Variants in KCNH5 observed in about 807,000 individuals in gnomAD.
The protein encoded by KCNH5 is potassium voltage-gated channel subfamily H member 5, also known as voltage-gated delayed rectifier potassium channel KCNH5.
Under a neutral mutation model 96.1 loss-of-function variants are expected in KCNH5, and 46 were observed. The ratio of observed to expected loss-of-function variants is 0.48; its 90% CI spans 0.38 to 0.61. KCNH5 has a LOEUF of 0.61. Ranked by LOEUF, KCNH5 falls within the 20% of genes least tolerant of loss-of-function variation. KCNH5 has a pLI of 0.00. For synonymous variants in KCNH5, 439 were observed against 449.8 expected, an observed-to-expected ratio of 0.98 and a Z score of 0.30; for missense variants, 907 against 1,225.8, an observed-to-expected ratio of 0.74 and a Z score of 3.88.
In KCNH5 at chr14:62,707,659, A is replaced by T; in HGVS notation, c.2816T>A (p.Leu939Ter). The stretch of plus-strand genomic sequence containing the variant: ...TACGCTTTTTTCCGACAGTATTTTT[A>T]AAATTTCTGCCACCTGCTTTTCTAG... ...TALEKQVAEI[L>*]KILSEKSVPQ... The change falls in exon 11 of 11, where the codon TTA becomes TAA. Residue 939 changes from leucine to a stop codon, truncating the protein, a stop_gained. Transcript: ENST00000322893. LOFTEE classifies it high-confidence loss of function. The T allele has an allele frequency of 6.3e-7, 1 of 1,587,642 alleles. No individual in the cohort carries two copies. The highest frequency in any genetic ancestry group is 8.6e-7 in the Non-Finnish European group (1 of 1,162,726).
chr14:62,832,250 A>G (rs1160776160), intron 8 of KCNH5, among the ~76,000 whole-genome samples: 2 of 152,198 alleles, frequency 1.3e-5, no homozygotes, highest in African/African-American at 4.8e-5. Context: ...GAACTTAATC[A>G]TCTTGTGTAA....
chr14:62,937,264 CT>C (rs1889702794), intron 7 of KCNH5, among the ~76,000 whole-genome samples: 1 of 152,134 alleles, frequency 6.6e-6, no homozygotes, highest in Non-Finnish European at 1.5e-5. Flanking sequence ...CTAACCAATC[CT>C]AACCACCACC....
At chr14:62,982,045 C>A (rs1367114257) in intron 5 of KCNH5, among the ~76,000 whole-genome samples, 1 of 152,086 alleles carries the variant, frequency 6.6e-6, no homozygotes, top group Non-Finnish European at 1.5e-5. Flanking sequence ...GTAACCAACA[C>A]AGGACATAGC....
intron 7 of KCNH5, among the ~76,000 whole-genome samples, chr14:62,947,852 G>A (rs1889920631): frequency 6.6e-6 from 1 of 151,726 alleles, no homozygotes; most frequent in Non-Finnish European, 1.5e-5. Context: ...TATACTTTAA[G>A]TTTTAGGGTA....
At chr14:62,860,619 C>G (rs879800339) in intron 7 of KCNH5, among the ~76,000 whole-genome samples, 2 of 152,180 alleles carry the variant, frequency 1.3e-5, no homozygotes, top group Non-Finnish European at 2.9e-5. Context: ...GAGTAAAACT[C>G]TATGCTATCT....
At chr14:62,972,643 A>T (rs1313328011) in intron 6 of KCNH5, among the ~76,000 whole-genome samples, 3 of 152,206 alleles carry the variant, frequency 2.0e-5, no homozygotes, top group Non-Finnish European at 2.9e-5. Context: ...ATAAACTGTG[A>T]TACATCCAGA....
rs909577932 is a variant in KCNH5, at chr14:62,981,136, G to A, written c.678C>T (p.Phe226=). ...TATAAGGAACCATAATGGCGGTGTA[G>A]AAGGTAAGAATTAAAATCACCCAAT... ...TWDWVILILT[F]YTAIMVPYNV... The change falls in exon 6 of 11, where the codon TTC becomes TTT. Residue 226 remains phenylalanine, a synonymous_variant. Transcript: ENST00000322893. 1.7e-5 allele frequency: 28 copies of A among 1,614,184 alleles called. No individual in the cohort carries two copies. Among genetic ancestry groups the A allele is most frequent in the Non-Finnish European group, 2.3e-5 (27 of 1,180,020 alleles).
intron 10 of KCNH5, among the ~76,000 whole-genome samples, chr14:62,766,325 GGT>G (rs1566653630): frequency 1.3e-5 from 2 of 152,046 alleles, no homozygotes; most frequent in African/African-American, 4.8e-5. Flanking sequence ...CCCACTGCTG[GGT>G]ATATACCCAA....
rs143318169 is a variant in KCNH5 at position 62,796,697 on chromosome 14, G to A, written c.1822+5632C>T. On this transcript the variant is annotated intron_variant, in intron 9 of 10. Transcript: ENST00000322893. ...TTTTGCCAAGGTTGAGGATGCACCC[G>A]TGACACATCCTCAGGAAGTCCTGAC... Among the ~76,000 whole-genome samples, 22 of 152,266 alleles carry A rather than the reference G, an allele frequency of 1.4e-4. No individual in the cohort carries two copies. The East Asian group carries it at 2.9e-3, about 20-fold the overall frequency.
chr14:63,039,615 C>T (rs575031647), intron 1 of KCNH5, among the ~76,000 whole-genome samples: 31 of 151,964 alleles, frequency 2.0e-4, no homozygotes, highest in Non-Finnish European at 4.0e-4. Flanking sequence ...GCTGAAATTG[C>T]GTATTACCAT....
chr14:62,813,929 C>G (rs1383294989), intron 8 of KCNH5, among the ~76,000 whole-genome samples: 1 of 152,078 alleles, frequency 6.6e-6, no homozygotes, highest in Non-Finnish European at 1.5e-5. Context: ...TCATGCCAAG[C>G]AAAAGGAAGT....
intron 3 of KCNH5, among the ~76,000 whole-genome samples, chr14:63,003,066 G>A (rs1891040744): frequency 6.6e-6 from 1 of 152,072 alleles, no homozygotes. Flanking sequence ...AAAAAAATAA[G>A]TAATTTTCCA....
intron 7 of KCNH5, among the ~76,000 whole-genome samples, chr14:62,855,389 C>T (rs1887908310): frequency 6.6e-6 from 1 of 152,200 alleles, no homozygotes; most frequent in South Asian, 2.1e-4. Flanking sequence ...GAACATCAGC[C>T]TACCAGCCAT....
intron 10 of KCNH5, among the ~76,000 whole-genome samples, chr14:62,762,723 A>C (rs1011867655): frequency 3.3e-5 from 5 of 152,104 alleles, no homozygotes; most frequent in Non-Finnish European, 7.4e-5. Flanking sequence ...CAAACAAACA[A>C]ACACAGAGGT....
chr14:62,967,275 T>C (rs997890551), intron 6 of KCNH5, among the ~76,000 whole-genome samples: 9 of 151,818 alleles, frequency 5.9e-5, no homozygotes, highest in Non-Finnish European at 8.8e-5. Flanking sequence ...GGAGATGGGG[T>C]CCTAGTATGT....
At chr14:62,838,930 T>C (rs1024672007) in intron 8 of KCNH5, among the ~76,000 whole-genome samples, 2 of 152,168 alleles carry the variant, frequency 1.3e-5, no homozygotes, top group African/African-American at 2.4e-5. Flanking sequence ...AAAAGACATA[T>C]GTAAATTAAT....
At position 62,704,390 on chromosome 14, in the gene KCNH5, T is replaced by A. The variant is rs1347244683; in HGVS notation, c.*3118A>T. The A allele has an allele frequency of 6.6e-6, 1 of 151,932 alleles. No homozygotes were observed. The highest frequency in any genetic ancestry group is 2.4e-5 in the African/African-American group (1 of 41,436). The allele number at this position is 151,932 out of a possible 1,614,324, so 9.4% of individuals were successfully genotyped here. A position where few individuals can be genotyped will look rare whatever the true frequency, so the allele number is the denominator to read the frequency against. ...TTCAGTACCATTCATATAGCTTTGG[T>A]ATTGTCATCTGGCTTTTGTGTGCCT... On this transcript the variant is annotated 3_prime_UTR_variant, in exon 11 of 11. Coordinates refer to ENST00000322893, the MANE Select transcript of KCNH5 (RefSeq NM_139318.5).
At chr14:62,719,762 A>G (rs770324662) in intron 10 of KCNH5, among the ~76,000 whole-genome samples, 3 of 152,334 alleles carry the variant, frequency 2.0e-5, no homozygotes, top group South Asian at 2.1e-4. Context: ...CAGGTTTTCA[A>G]TCTTGTCTAC....
At chr14:62,992,977 T>C (rs1890839093) in intron 4 of KCNH5, among the ~76,000 whole-genome samples, 1 of 151,822 alleles carries the variant, frequency 6.6e-6, no homozygotes, top group Non-Finnish European at 1.5e-5. Context: ...CCATCTTGAG[T>C]TGATTTTTGT....
Sources: allele counts gnomAD v4.1 joint callset (sites outside exome capture counted in the v4.1 genomes callset), GRCh38; gene constraint gnomAD v4.1.1; transcripts MANE v1.5; gene names NCBI Gene and HGNC (gene_info 2026-07-23, HGNC 2026-07-21).